Variants in CLCNKA observed in about 807,000 individuals in gnomAD.
The protein encoded by CLCNKA is chloride channel protein ClC-Ka.
CLCNKA carries 66 observed loss-of-function variants against 83.3 expected under a neutral mutation model. That is an observed-to-expected ratio of 0.79 (90% CI 0.65 to 0.97). The LOEUF (loss-of-function observed/expected upper bound fraction) is 0.97, where lower values mean the gene tolerates loss of function less well. Ranked by LOEUF, CLCNKA falls within the 50% of genes least tolerant of loss-of-function variation. The probability of loss-of-function intolerance (pLI) is 0.00; values close to 1 mark genes in which losing one functional copy is unlikely to be tolerated. For missense variants in CLCNKA, 806 were observed against 888.7 expected, an observed-to-expected ratio of 0.91 and a Z score of 1.18; for synonymous variants, 357 against 370.4, an observed-to-expected ratio of 0.96 and a Z score of 0.42.
At chr1:16,033,043 G>C (rs2022696678) in intron 18 of CLCNKA, 127 bp from the exon 19 acceptor site, 4 of 992,722 alleles carry the variant, frequency 4.0e-6, no homozygotes, top group Non-Finnish European at 6.5e-6. Context: ...TTGCAGGCCT[G>C]GGTCTGTTGC....
At chr1:16,031,034 C>G (rs560778653) in intron 15 of CLCNKA, among the ~76,000 whole-genome samples, 1 of 152,336 alleles carries the variant, frequency 6.6e-6, no homozygotes, top group East Asian at 1.9e-4. Context: ...CCCCTCTCCC[C>G]ACTCCTGCTG....
intron 15 of CLCNKA, 108 bp from the exon 16 acceptor site, chr1:16,031,602 C>G (rs2022627044): frequency 6.6e-7 from 1 of 1,523,214 alleles, no homozygotes; most frequent in Non-Finnish European, 9.0e-7. Context: ...TGCTCACACT[C>G]CAGAGCCGTG....
Position 16,030,500 on chromosome 1 carries a change from C to A in CLCNKA, c.1448C>A (p.Ser483Tyr). The A allele has an allele frequency of 6.2e-7, 1 of 1,613,004 alleles. No homozygotes were observed. Among genetic ancestry groups the A allele is most frequent in the Non-Finnish European group, 8.5e-7 (1 of 1,180,016 alleles). The change falls in exon 15 of 20, where the codon TCC (serine) becomes TAC (tyrosine). Residue 483 changes from serine to tyrosine, a missense_variant. Coordinates refer to ENST00000331433, the MANE Select transcript of CLCNKA (RefSeq NM_004070.4). ...TCAGGGGCTGTGACCCACACCATCT[C>A]CACGGCGCTGCTGGCCTTTGAGCTG... ...AFSGAVTHTI[S>Y]TALLAFELTG...
intron 15 of CLCNKA, among the ~76,000 whole-genome samples, chr1:16,031,126 G>A (rs946504706): frequency 2.0e-5 from 3 of 152,222 alleles, no homozygotes; most frequent in Non-Finnish European, 2.9e-5. Context: ...GATAGGACCA[G>A]AGCAGCTTCT....
At chr1:16,026,826 C>T (rs1435368070) in intron 7 of CLCNKA, 51 bp downstream of exon 7, 2 of 1,604,634 alleles carry the variant, frequency 1.2e-6, no homozygotes, top group African/African-American at 2.7e-5. Context: ...CTCCTCCCCT[C>T]ACACCCTGGG....
chr1:16,025,122 G>A (rs2022297393), intron 4 of CLCNKA, among the ~76,000 whole-genome samples: 1 of 152,194 alleles, frequency 6.6e-6, no homozygotes, highest in South Asian at 2.1e-4. Context: ...TGGGGCCTGT[G>A]CTGGTGCCAG....
Position 16,024,906 on chromosome 1 carries a change from G to T in CLCNKA, c.358+15G>T, listed in dbSNP as rs769768260. 2.5e-6 allele frequency: 4 copies of T among 1,613,910 alleles called. No individual in the cohort carries two copies. The East Asian group carries it at 6.7e-5, about 27-fold the overall frequency. On this transcript the variant is annotated intron_variant, in intron 4 of 19. Coordinates refer to ENST00000331433, the MANE Select transcript of CLCNKA (RefSeq NM_004070.4). ...CTCCTCTGGAGGTGAGTCCACGGTCGCCATGCCAGTCCCCAGTGCCAAAAC... is the reference window on the plus strand; with the variant it reads ...CTCCTCTGGAGGTGAGTCCACGGTCTCCATGCCAGTCCCCAGTGCCAAAAC...
At chr1:16,024,559 G>A (rs548358808) in intron 3 of CLCNKA, among the ~76,000 whole-genome samples, 11 of 152,276 alleles carry the variant, frequency 7.2e-5, no homozygotes, top group Non-Finnish European at 1.3e-4. Context: ...GCTTGCCCAA[G>A]GTCACTCAGC....
chr1:16,028,222 TC>T, intron 10 of CLCNKA, 103 bp downstream of exon 10: 1 of 1,079,228 alleles, frequency 9.3e-7, no homozygotes. Context: ...AGCCCCTAAA[TC>T]CCTCCCTAGC....
intron 3 of CLCNKA, among the ~76,000 whole-genome samples, chr1:16,024,275 C>T (rs558911316): frequency 6.6e-6 from 1 of 152,364 alleles, no homozygotes; most frequent in South Asian, 2.1e-4. Context: ...GGAGTCTTCC[C>T]CCTGCTCCCT....
chr1:16,026,396 G>T (rs990944574), intron 5 of CLCNKA, 140 bp from the exon 6 acceptor site: 12 of 1,459,730 alleles, frequency 8.2e-6, no homozygotes, highest in Non-Finnish European at 1.0e-5. Context: ...GCCAGGCCAG[G>T]TCCCCAGTGT....
At position 16,029,211 on chromosome 1, in the gene CLCNKA, A is replaced by T. The variant is rs1201231508; in HGVS notation, c.1139A>T (p.Glu380Val). 2 of 1,613,452 alleles carry T rather than the reference A, an allele frequency of 1.2e-6. No homozygotes were observed. Among genetic ancestry groups the T allele is most frequent in the Admixed American group, 3.3e-5 (2 of 59,994 alleles). Residue 380 changes from glutamate to valine, a missense_variant, in exon 12 of 20, where the codon GAG (glutamate) becomes GTG (valine). By Grantham distance (121) the Glu-to-Val change is moderately radical. Transcript: ENST00000331433. ...CAGAACTCCAGCCCACCCTGGCCCG[A>T]GGAGCTCGACCCCCAGCACCTTTGG... ...MTQNSSPPWP[E>V]ELDPQHLWWE...
intron 7 of CLCNKA, 92 bp from the exon 8 acceptor site, chr1:16,027,218 A>C: frequency 2.0e-6 from 3 of 1,509,456 alleles, no homozygotes; most frequent in Non-Finnish European, 1.8e-6. Flanking sequence ...AGCAGGACAG[A>C]TGGCTCAGGG....
chr1:16,032,407 G>T lies in CLCNKA; in HGVS notation c.1846-36G>T, dbSNP rs775142636. 4 of 1,584,554 alleles carry T rather than the reference G, an allele frequency of 2.5e-6. No homozygotes were observed. In the East Asian group the frequency reaches 9.0e-5, roughly 35 times the overall value. On this transcript the variant is annotated intron_variant, in intron 17 of 19. Transcript: ENST00000331433. ...GGTCTGAGAGAGGCATCCTGGGGAG[G>T]CCGGCCCTGCACCCATAACTCTTCC...
At chr1:16,033,429 CTTG>C (rs904208942) in intron 19 of CLCNKA, among the ~76,000 whole-genome samples, 173 bp downstream of exon 19, 52 of 152,268 alleles carry the variant, frequency 3.4e-4, no homozygotes, top group Non-Finnish European at 5.9e-5. Context: ...GCTCCCCTAC[CTTG>C]TTTTCTGGCC....
intron 18 of CLCNKA, 84 bp downstream of exon 18, chr1:16,032,610 C>T (rs1249672287): frequency 9.6e-7 from 1 of 1,040,404 alleles, no homozygotes; most frequent in African/African-American, 1.5e-5. Context: ...AGCCTCCCGT[C>T]CCAACCCCGC....
chr1:16,033,119 T>G (rs1431480916), intron 18 of CLCNKA, 51 bp from the exon 19 acceptor site: 4 of 1,584,060 alleles, frequency 2.5e-6, no homozygotes, highest in Non-Finnish European at 3.5e-6. Flanking sequence ...GGCCAGAGGG[T>G]GGGCTGGGCG....
intron 7 of CLCNKA, 170 bp downstream of exon 7, chr1:16,026,945 G>A (rs1464377761): frequency 3.5e-6 from 3 of 848,202 alleles, no homozygotes; most frequent in Non-Finnish European, 5.6e-6. Context: ...GGGCGGGGCG[G>A]GTGGTTGGGG....
rs867693173 is a variant in CLCNKA, at chr1:16,033,989, C to G, written c.*331C>G. On this transcript the variant is annotated 3_prime_UTR_variant, in exon 20 of 20. Transcript: ENST00000331433. ...CTGTCACCAAGGGCAGGCAAAGATGCCCTCTGGGGTTGTCTGGTTCCCAGT... is the reference window on the plus strand; with the variant it reads ...CTGTCACCAAGGGCAGGCAAAGATGGCCTCTGGGGTTGTCTGGTTCCCAGT... The G allele has an allele frequency of 3.0e-3, 1,165 of 385,040 alleles. 78 individuals carry two copies. Among genetic ancestry groups the G allele is most frequent in the African/African-American group, 0.011 (300 of 28,052 alleles). 23.9% of individuals were successfully genotyped at this position (385,040 alleles called of 1,614,324 possible). A position where few individuals can be genotyped will look rare whatever the true frequency, so the allele number is the denominator to read the frequency against.
Sources: gnomAD v4.1 joint callset for allele counts (sites outside exome capture counted in the v4.1 genomes callset) on GRCh38, gnomAD v4.1.1 for gene constraint, MANE v1.5 for transcripts, NCBI Gene and HGNC (gene_info 2026-07-23, HGNC 2026-07-21) for gene names.